PHLDB2: variants seen among roughly 807,000 people sequenced by gnomAD.
PHLDB2 encodes the protein pleckstrin homology-like domain family B member 2.
PHLDB2 carries 71 observed loss-of-function variants against 123.6 expected under a neutral mutation model. The observed-to-expected ratio is 0.57, with a 90% CI of 0.47 to 0.70. PHLDB2 has a LOEUF of 0.70. PHLDB2 is among the 30% of genes least tolerant of loss of function. The probability of loss-of-function intolerance (pLI) is 0.00; values close to 1 mark genes in which losing one functional copy is unlikely to be tolerated. For synonymous variants in PHLDB2, 547 were observed against 541.6 expected (o/e 1.01, Z -0.14); for missense variants, 1,446 against 1,519.5 (o/e 0.95, Z 0.80).
At chr3:111,777,638 C>T (rs553426025) in intron 1 of PHLDB2, among the ~76,000 whole-genome samples, 2 of 152,180 alleles carry the variant, frequency 1.3e-5, no homozygotes, top group South Asian at 4.1e-4. Context: ...TTATGTGCCA[C>T]ATTTTTTTTC....
chr3:111,737,433 G>A (rs554646226), intron 1 of PHLDB2, among the ~76,000 whole-genome samples: 2 of 152,228 alleles, frequency 1.3e-5, no homozygotes, highest in African/African-American at 4.8e-5. Context: ...CAAGCAGAGT[G>A]AATGAAACTT....
chr3:111,836,498 C>T (rs2063402317), intron 1 of PHLDB2, among the ~76,000 whole-genome samples: 1 of 151,946 alleles, frequency 6.6e-6, no homozygotes, highest in African/African-American at 2.4e-5. Context: ...AGATCTGTAG[C>T]TCAGAAGAGA....
intron 15 of PHLDB2, 36 bp downstream of exon 15, chr3:111,967,860 G>A: frequency 1.9e-6 from 3 of 1,554,388 alleles, no homozygotes; most frequent in South Asian, 1.2e-5. Flanking sequence ...TGGGCAGGTT[G>A]CCCCCTGGTG....
chr3:111,775,276 C>A (rs2060248292), intron 1 of PHLDB2, among the ~76,000 whole-genome samples: 1 of 152,062 alleles, frequency 6.6e-6, no homozygotes, highest in South Asian at 2.1e-4. Flanking sequence ...TTGGTCCACA[C>A]CCTTAGAAAA....
chr3:111,840,424 T>C (rs1301951809), intron 1 of PHLDB2, among the ~76,000 whole-genome samples: 3 of 152,184 alleles, frequency 2.0e-5, no homozygotes, highest in African/African-American at 7.2e-5. Flanking sequence ...CTGGTCATGG[T>C]ATATTTTCTT....
chr3:111,787,904 G>A (rs556470597), intron 1 of PHLDB2, among the ~76,000 whole-genome samples: 1 of 152,208 alleles, frequency 6.6e-6, no homozygotes, highest in South Asian at 2.1e-4. Context: ...AGACTTTGTA[G>A]TCCGCCAAAA....
rs780008726 is a variant in PHLDB2 at position 111,969,889 on chromosome 3, G to A, written c.3515G>A (p.Arg1172Gln). 8.7e-6 allele frequency: 14 copies of A among 1,613,870 alleles called. No individual in the cohort carries two copies. The highest frequency in any genetic ancestry group is 3.3e-4 in the Middle Eastern group (2 of 6,062). ...TGGTTTGTTTTTGATCGGAACAAGCGAACATTCTCTTATTATGCAGGTGGG... is the reference window on the plus strand; with the variant it reads ...TGGTTTGTTTTTGATCGGAACAAGCAAACATTCTCTTATTATGCAGGTGGG... ...KRWFVFDRNK[R>Q]TFSYYADKHE... Residue 1172 changes from arginine (R) to glutamine (Q), a missense_variant, in exon 16 of 18, where the codon CGA becomes CAA. Arg to Gln is a conservative substitution (Grantham distance 43). This residue lies in a region of PHLDB2 where 594 missense variants were observed against 646.0 expected (regional missense o/e 0.92). Coordinates refer to ENST00000431670, the MANE Select transcript of PHLDB2 (RefSeq NM_001134438.2).
chr3:111,773,061 TAAG>T (rs1186748141), intron 1 of PHLDB2, among the ~76,000 whole-genome samples: 3 of 152,178 alleles, frequency 2.0e-5, no homozygotes, highest in Non-Finnish European at 4.4e-5. Context: ...AACAGATAGG[TAAG>T]AAGTTTTATG....
chr3:111,885,459 G>A, intron 2 of PHLDB2, 47 bp downstream of exon 2: 2 of 1,612,136 alleles, frequency 1.2e-6, no homozygotes, highest in South Asian at 1.1e-5. Flanking sequence ...TCATTAACCA[G>A]CATCTACAGG....
intron 16 of PHLDB2, among the ~76,000 whole-genome samples, chr3:111,971,925 T>C (rs1459572096): frequency 1.3e-5 from 2 of 152,200 alleles, no homozygotes; most frequent in African/African-American, 4.8e-5. Flanking sequence ...CTAGAAAATA[T>C]GTCTGCAAAT....
At chr3:111,737,218 T>A (rs571316929) in intron 1 of PHLDB2, among the ~76,000 whole-genome samples, 36 of 152,188 alleles carry the variant, frequency 2.4e-4, no homozygotes, top group African/African-American at 2.7e-4. Context: ...CTGGAGGAGA[T>A]CCAGTGTTTT....
intron 1 of PHLDB2, among the ~76,000 whole-genome samples, chr3:111,869,715 G>T (rs28539561): frequency 2.5e-4 from 13 of 51,692 alleles, no homozygotes; most frequent in South Asian, 1.6e-3. Context: ...CTGTGTGTGT[G>T]TGTGTGTGTG....
chr3:111,738,298 A>G (rs2059544781), intron 1 of PHLDB2, among the ~76,000 whole-genome samples: 1 of 152,136 alleles, frequency 6.6e-6, no homozygotes. Flanking sequence ...AACAAATTAA[A>G]CTAAAATAGC....
chr3:111,781,948 C>A (rs1306673904), intron 1 of PHLDB2, among the ~76,000 whole-genome samples: 1 of 152,028 alleles, frequency 6.6e-6, no homozygotes. Context: ...ACAAAACTAC[C>A]TCAGTCATAG....
At chr3:111,776,660 A>G (rs553387254) in intron 1 of PHLDB2, among the ~76,000 whole-genome samples, 1 of 152,164 alleles carries the variant, frequency 6.6e-6, no homozygotes, top group Non-Finnish European at 1.5e-5. Flanking sequence ...AACTCCAAGA[A>G]TCTAGGCCTG....
At chr3:111,842,374 C>T (rs62277565) in intron 1 of PHLDB2, among the ~76,000 whole-genome samples, 62,776 of 151,980 alleles carry the variant, frequency 0.41, 16,083 homozygotes, top group Middle Eastern at 0.65. Context: ...TTAACATCCC[C>T]GCCAGGGTGG....
chr3:111,834,265 A>C (rs1330155944), intron 1 of PHLDB2, among the ~76,000 whole-genome samples: 1 of 113,550 alleles, frequency 8.8e-6, no homozygotes, highest in Non-Finnish European at 1.8e-5. Context: ...TAATTCTATT[A>C]TATACATAAT....
chr3:111,949,915 T>A (rs2070595237), intron 10 of PHLDB2: 3 of 977,828 alleles, frequency 3.1e-6, no homozygotes, highest in Non-Finnish European at 3.6e-6. Flanking sequence ...GAATTTAGAG[T>A]TTGGGAATGT....
In PHLDB2 at chr3:111,974,541, G is replaced by T. The variant is rs1362073821; in HGVS notation, c.3740G>T (p.Gly1247Val). ...GATGTTATAGTTACGGGGGCAGAAGGTTACACTCACTTCTTGTTGTAGTGA... is the reference window on the plus strand; with the variant it reads ...GATGTTATAGTTACGGGGGCAGAAGTTTACACTCACTTCTTGTTGTAGTGA... ...WMDVIVTGAE[G>V]YTHFLL Residue 1247 changes from glycine (G) to valine (V), a missense_variant, in exon 18 of 18, where the codon GGT becomes GTT. Coordinates refer to ENST00000431670, the MANE Select transcript of PHLDB2 (RefSeq NM_001134438.2). The T allele has an allele frequency of 3.1e-6, 5 of 1,612,538 alleles. No individual in the cohort carries two copies. The African/African-American group carries it at 4.0e-5, about 13-fold the overall frequency.
Sources: gnomAD v4.1 joint callset for allele counts (sites outside exome capture counted in the v4.1 genomes callset) on GRCh38, gnomAD v4.1.1 for gene constraint, gnomAD v4.1.1 regional missense constraint, MANE v1.5 for transcripts, NCBI Gene and HGNC (gene_info 2026-07-23, HGNC 2026-07-21) for gene names.